The following CRYBB2 variants were observed in gnomAD, a reference collection of about 807,000 sequenced individuals.
The protein encoded by CRYBB2 is crystallin beta B2, also known as beta-crystallin B2.
In CRYBB2, 12 loss-of-function variants were observed where a neutral mutation model predicts 24.3. The ratio of observed to expected loss-of-function variants is 0.49; its 90% CI spans 0.32 to 0.80. The LOEUF (loss-of-function observed/expected upper bound fraction) is 0.80, where lower values mean the gene tolerates loss of function less well. Ranked by LOEUF, CRYBB2 falls within the 30% of genes least tolerant of loss-of-function variation. CRYBB2 has a pLI of 0.04. For missense variants in CRYBB2, 198 were observed against 268.5 expected (o/e 0.74, Z 1.83); for synonymous variants, 98 against 101.6 (o/e 0.96, Z 0.21).
chr22:25,229,023 C>T (rs1041964012), intron 4 of CRYBB2, among the ~76,000 whole-genome samples: 8 of 145,762 alleles, frequency 5.5e-5, no homozygotes, highest in South Asian at 2.2e-4. Flanking sequence ...TGGGTGTGCA[C>T]GTGTGTGCGT....
chr22:25,226,408 C>T (rs1338275793), intron 3 of CRYBB2, among the ~76,000 whole-genome samples: 1 of 152,048 alleles, frequency 6.6e-6, no homozygotes, highest in African/African-American at 2.4e-5. Flanking sequence ...CCACTTAAGC[C>T]CCACTAAATC....
At chr22:25,219,224 T>C (rs1020991165), upstream of CRYBB2, among the ~76,000 whole-genome samples, 2 of 152,126 alleles carry the variant, frequency 1.3e-5, no homozygotes, top group Admixed American at 6.5e-5. Flanking sequence ...CCAACAAATA[T>C]TTGTTGAATG....
At chr22:25,229,654 G>A in intron 5 of CRYBB2, 76 bp downstream of exon 5, 1 of 1,584,132 alleles carries the variant, frequency 6.3e-7, no homozygotes, top group East Asian at 2.3e-5. Context: ...GCTCTGCCCT[G>A]TACACGCTGG....
At chr22:25,219,717 C>G (rs993940591) in intron 1 of CRYBB2, 51 bp downstream of exon 1, 4 of 152,238 alleles carry the variant, frequency 2.6e-5, no homozygotes, top group Admixed American at 2.6e-4. Context: ...ATCCTCACCC[C>G]TGTCCGCAAG....
upstream of CRYBB2, among the ~76,000 whole-genome samples, chr22:25,218,781 AGAAAG>A (rs1935253230): frequency 2.9e-5 from 1 of 34,982 alleles, no homozygotes; most frequent in East Asian, 1.1e-3. Context: ...GAGAGAGAGA[AGAAAG>A]AAAGAAAGAA....
chr22:25,227,738 T>C (rs1468194381), intron 3 of CRYBB2, 115 bp from the exon 4 acceptor site: 7 of 1,580,050 alleles, frequency 4.4e-6, no homozygotes, highest in Admixed American at 1.7e-5. Flanking sequence ...GGCTATTACA[T>C]CTTGCCGGGC....
chr22:25,231,490 C>T (rs1935530775), intron 5 of CRYBB2, 114 bp from the exon 6 acceptor site: 1 of 1,026,510 alleles, frequency 9.7e-7, no homozygotes, highest in South Asian at 1.3e-5. Flanking sequence ...GGTTGGGAGG[C>T]TTCACCCTTC....
At chr22:25,217,812 G>A (rs1466248586), upstream of CRYBB2, among the ~76,000 whole-genome samples, 1 of 152,172 alleles carries the variant, frequency 6.6e-6, no homozygotes, top group East Asian at 1.9e-4. Flanking sequence ...GGGGGCTGGG[G>A]CATGTGTGTG....
intron 1 of CRYBB2, chr22:25,213,271 TG>T (rs1935128079): frequency 6.6e-6 from 1 of 152,204 alleles, no homozygotes; most frequent in Non-Finnish European, 1.5e-5. Flanking sequence ...CTGACTCTTT[TG>T]TATCTAAAAG....
intron 4 of CRYBB2, among the ~76,000 whole-genome samples, chr22:25,228,724 G>C (rs896827365): frequency 4.6e-5 from 7 of 152,326 alleles, no homozygotes; most frequent in Admixed American, 3.9e-4. Context: ...TCTCTGTGCC[G>C]CGCTTTCCTC....
rs908909973 is a variant in CRYBB2, at chr22:25,219,827, C to T, written c.-27+161C>T. Among the ~76,000 whole-genome samples, 3 of 152,152 alleles carry T rather than the reference C, an allele frequency of 2.0e-5. No individual in the cohort carries two copies. In the South Asian group the frequency reaches 6.2e-4, roughly 32 times the overall value. ...GGTAACTGGGAAGGGGGTTAAAAAG[C>T]CTTCTTTATTGTAAGGATTCAAGAG... is the stretch of plus-strand genomic sequence containing the variant. On this transcript the variant is annotated intron_variant, in intron 1 of 5. Transcript: ENST00000398215.
At chr22:25,228,132 A>G (rs1434954551) in intron 4 of CRYBB2, 147 bp downstream of exon 4, 251 of 1,246,346 alleles carry the variant, frequency 2.0e-4, no homozygotes, top group Non-Finnish European at 1.4e-4. Flanking sequence ...GAACCTCCTC[A>G]CTGGGTGACC....
rs16979774 is a variant in CRYBB2 at position 25,221,379 on chromosome 22, C to T, written c.-26-25C>T. 29,468 of 1,502,510 alleles carry T rather than the reference C, an allele frequency of 0.02. 963 individuals carry two copies. Among genetic ancestry groups the T allele is most frequent in the East Asian group, 0.14 (6,330 of 44,254 alleles). 93.1% of individuals were successfully genotyped at this position (1,502,510 alleles called of 1,614,324 possible). A position where few individuals can be genotyped will look rare whatever the true frequency, so the allele number is the denominator to read the frequency against. On this transcript the variant is annotated intron_variant, in intron 1 of 5. Coordinates refer to ENST00000398215, the MANE Select transcript of CRYBB2 (RefSeq NM_000496.3). Reference sequence around the variant, plus strand: ...AAAGCCAGTGGCCCCTCCAGGTCCTCACTGCTGCTTCCCATGTCTTCCAGG... The same window carrying T: ...AAAGCCAGTGGCCCCTCCAGGTCCTTACTGCTGCTTCCCATGTCTTCCAGG...
In CRYBB2 at chr22:25,229,516, A is replaced by G. The variant is rs1935495463; in HGVS notation, c.387A>G (p.Val129=). 8 of 1,614,100 alleles carry G rather than the reference A, an allele frequency of 5.0e-6. No individual in the cohort carries two copies. The South Asian group carries it at 7.7e-5, about 16-fold the overall frequency. ...AGATGGAAATCATAGATGACGATGT[A>G]CCCAGCTTCCACGCCCATGGCTACC... is the stretch of plus-strand genomic sequence containing the variant. ...GKKMEIIDDD[V]PSFHAHGYQE... The change falls in exon 5 of 6, where the codon GTA becomes GTG. Residue 129 remains valine, a synonymous_variant. Coordinates refer to ENST00000398215, the MANE Select transcript of CRYBB2 (RefSeq NM_000496.3).
intron 1 of CRYBB2, among the ~76,000 whole-genome samples, chr22:25,221,064 G>C (rs1279259959): frequency 6.6e-6 from 1 of 152,238 alleles, no homozygotes; most frequent in African/African-American, 2.4e-5. Flanking sequence ...AAAGGCAGAA[G>C]TTCTGGGATT....
chr22:25,219,110 C>T (rs35739053), upstream of CRYBB2, among the ~76,000 whole-genome samples: 1 of 152,144 alleles, frequency 6.6e-6, no homozygotes, highest in East Asian at 1.9e-4. Flanking sequence ...TTCTCCATCC[C>T]TGAGGGATGC....
At chr22:25,219,106 A>G (rs1439491250), upstream of CRYBB2, among the ~76,000 whole-genome samples, 1 of 152,048 alleles carries the variant, frequency 6.6e-6, no homozygotes, top group African/African-American at 2.4e-5. Flanking sequence ...CCTCTTCTCC[A>G]TCCCTGAGGG....
intron 2 of CRYBB2, among the ~76,000 whole-genome samples, chr22:25,221,851 T>C (rs1220211896): frequency 6.6e-6 from 1 of 152,242 alleles, no homozygotes; most frequent in Non-Finnish European, 1.5e-5. Context: ...CTGCACCTGC[T>C]GTGTGATCCG....
At chr22:25,219,326 G>T (rs185254341), upstream of CRYBB2, among the ~76,000 whole-genome samples, 373 of 152,270 alleles carry the variant, frequency 2.4e-3, 4 homozygotes, top group African/African-American at 8.8e-3. Context: ...TCCTCTGTCT[G>T]CCATGCCTCA....
Sources: gnomAD v4.1 joint callset for allele counts (sites outside exome capture counted in the v4.1 genomes callset) on GRCh38, gnomAD v4.1.1 for gene constraint, MANE v1.5 for transcripts, NCBI Gene and HGNC (gene_info 2026-07-23, HGNC 2026-07-21) for gene names.